PLEKHG7: variants seen among roughly 807,000 people sequenced by gnomAD.
The protein encoded by PLEKHG7 is pleckstrin homology and RhoGEF domain containing G7.
PLEKHG7 carries 77 observed loss-of-function variants against 85.2 expected under a neutral mutation model. The observed-to-expected ratio is 0.90, with a 90% CI of 0.75 to 1.09. The LOEUF (loss-of-function observed/expected upper bound fraction) is 1.09, where lower values mean the gene tolerates loss of function less well. Among genes scored for constraint, PLEKHG7 ranks in the 50% least tolerant of loss-of-function variants. PLEKHG7 has a pLI of 0.00. For synonymous variants in PLEKHG7, 301 were observed against 302.4 expected (o/e 1.00, Z 0.05); for missense variants, 777 against 804.3 (o/e 0.97, Z 0.41).
chr12:92,714,556 A>T (rs1021154224), intron 3 of PLEKHG7, among the ~76,000 whole-genome samples: 3 of 152,260 alleles, frequency 2.0e-5, no homozygotes. Context: ...TCTACAAGAG[A>T]TAAGACTGTC....
chr12:92,770,219 T>C lies in PLEKHG7; in HGVS notation c.*24T>C. The C allele has an allele frequency of 6.8e-7, 1 of 1,468,562 alleles. No homozygotes were observed. Among genetic ancestry groups the C allele is most frequent in the Non-Finnish European group, 9.4e-7 (1 of 1,058,650 alleles). The allele number at this position is 1,468,562 out of a possible 1,614,324, so 91.0% of individuals were successfully genotyped here. A position where few individuals can be genotyped will look rare whatever the true frequency, so the allele number is the denominator to read the frequency against. On this transcript the variant is annotated 3_prime_UTR_variant, in exon 17 of 17. Coordinates refer to ENST00000344636, the MANE Select transcript of PLEKHG7 (RefSeq NM_001377329.1). ...AGGGACCTAAAACAAGTGGCATGTCTTTTTAGAAGATTATGGTTTAAGGTA... is the reference window on the plus strand; with the variant it reads ...AGGGACCTAAAACAAGTGGCATGTCCTTTTAGAAGATTATGGTTTAAGGTA...
chr12:92,710,951 C>T (rs1022506161), intron 3 of PLEKHG7, among the ~76,000 whole-genome samples: 2 of 152,188 alleles, frequency 1.3e-5, no homozygotes, highest in African/African-American at 2.4e-5. Flanking sequence ...AATATCTTCA[C>T]AGTTTTTGAC....
At chr12:92,751,788 G>A (rs1872697300) in intron 10 of PLEKHG7, among the ~76,000 whole-genome samples, 1 of 152,134 alleles carries the variant, frequency 6.6e-6, no homozygotes, top group African/African-American at 2.4e-5. Context: ...TTTGGGAGGT[G>A]TGCAGATTGC....
intron 3 of PLEKHG7, among the ~76,000 whole-genome samples, chr12:92,717,860 C>T (rs1871532023): frequency 6.6e-6 from 1 of 152,216 alleles, no homozygotes; most frequent in Admixed American, 6.5e-5. Context: ...GCAATGCACA[C>T]CTGTAGTGTT....
rs746749198 is a variant in PLEKHG7, at chr12:92,741,561, C to T, written c.1106C>T (p.Ser369Leu). The change falls in exon 9 of 17, where the codon TCA (serine) becomes TTA (leucine). Residue 369 changes from serine (S) to leucine (L), a missense_variant. This residue lies in a region of PLEKHG7 where 520 missense variants were observed against 544.0 expected (regional missense o/e 0.96). Transcript: ENST00000344636. Reference protein sequence around the residue: ...KDYVDASEISSSLDFISVLTK... With the variant: ...KDYVDASEISLSLDFISVLTK... The stretch of plus-strand genomic sequence containing the variant: ...TATGTAGACGCTTCTGAGATTTCCT[C>T]ATCACTGGATTTTATTTCCGTGCTC... The T allele has an allele frequency of 3.1e-6, 5 of 1,613,234 alleles. No individual in the cohort carries two copies. Among genetic ancestry groups the T allele is most frequent in the Non-Finnish European group, 3.4e-6 (4 of 1,179,614 alleles).
chr12:92,746,253 G>A (rs766192846), intron 10 of PLEKHG7, among the ~76,000 whole-genome samples: 16 of 152,234 alleles, frequency 1.1e-4, no homozygotes, highest in Non-Finnish European at 1.6e-4. Context: ...GGATCATCCA[G>A]AGAAAATGGT....
intron 3 of PLEKHG7, among the ~76,000 whole-genome samples, chr12:92,724,917 A>G (rs1871753903): frequency 6.6e-6 from 1 of 152,066 alleles, no homozygotes; most frequent in Admixed American, 6.6e-5. Flanking sequence ...ATGCACATTG[A>G]GTTGGCACAT....
At chr12:92,737,299 T>C in intron 6 of PLEKHG7, 79 bp from the exon 7 acceptor site, 1 of 1,226,024 alleles carries the variant, frequency 8.2e-7, no homozygotes, top group Non-Finnish European at 1.0e-6. Context: ...CCTTTGGAAC[T>C]GCAAGCCAAA....
At chr12:92,703,643 C>T (rs918901004) in intron 1 of PLEKHG7, among the ~76,000 whole-genome samples, 3 of 152,218 alleles carry the variant, frequency 2.0e-5, no homozygotes, top group Non-Finnish European at 4.4e-5. Flanking sequence ...GAAGAGAAAC[C>T]AGACCCATTT....
At chr12:92,768,859 T>TCC in intron 15 of PLEKHG7, 124 bp from the exon 16 acceptor site, 1 of 620,778 alleles carries the variant, frequency 1.6e-6, no homozygotes, top group Non-Finnish European at 2.7e-6. Flanking sequence ...TAGATAAACC[T>TCC]CCCACCCTCG....
chr12:92,737,417 C>T lies in PLEKHG7; in HGVS notation c.835C>T (p.Leu279Phe). The part of the protein sequence containing the change: ...WDEVLETHHK[L>F]PTDQLDLKKQ... ...TGAAGTCTTGGAAACACATCACAAA[C>T]TCCCGACCGATCAATTAGACCTGAA... Residue 279 changes from leucine to phenylalanine, a missense_variant, in exon 7 of 17, where the codon CTC (leucine) becomes TTC (phenylalanine). Leu to Phe is a conservative substitution (Grantham distance 22). Around this residue, in one of 3 missense-constraint regions of PLEKHG7, gnomAD observed 520 missense variants for 544.0 expected, o/e 0.96. Coordinates refer to ENST00000344636, the MANE Select transcript of PLEKHG7 (RefSeq NM_001377329.1). 6.4e-7 allele frequency: 1 copy of T among 1,565,938 alleles called. No homozygotes were observed. Among genetic ancestry groups the T allele is most frequent in the South Asian group, 1.2e-5 (1 of 81,136 alleles).
chr12:92,729,379 G>A (rs1486942601), intron 4 of PLEKHG7, among the ~76,000 whole-genome samples: 1 of 149,772 alleles, frequency 6.7e-6, no homozygotes, highest in Admixed American at 6.7e-5. Flanking sequence ...CTGGCCAAAT[G>A]TCTTATCCCA....
chr12:92,733,992 G>A (rs534508000), intron 5 of PLEKHG7, among the ~76,000 whole-genome samples: 3 of 152,320 alleles, frequency 2.0e-5, no homozygotes, highest in East Asian at 1.9e-4. Context: ...ATGTTGGAGG[G>A]AGGGAAGCAA....
intron 13 of PLEKHG7, 93 bp from the exon 14 acceptor site, chr12:92,761,659 A>AAAGAAAGAAAGT (rs1873027775): frequency 7.6e-7 from 1 of 1,316,750 alleles, no homozygotes; most frequent in African/African-American, 1.6e-5. Context: ...AGAAAGAAAG[A>AAAGAAAGAAAGT]AAGAAAGAAA....
intron 3 of PLEKHG7, 44 bp from the exon 4 acceptor site, chr12:92,728,949 A>G (rs889156494): frequency 1.6e-6 from 2 of 1,213,128 alleles, no homozygotes; most frequent in Non-Finnish European, 2.1e-6. Context: ...GAGTGGTCTA[A>G]GATGATATTT....
chr12:92,756,326 T>A lies in PLEKHG7; in HGVS notation c.1571T>A (p.Met524Lys), dbSNP rs924326. 3 of 1,611,408 alleles carry A rather than the reference T, an allele frequency of 1.9e-6. No individual in the cohort carries two copies. Among genetic ancestry groups the A allele is most frequent in the African/African-American group, 1.3e-5 (1 of 74,818 alleles). ...ECLKHIFKEH[M>K]AENILSPTSR... ...TTGAAACACATTTTTAAAGAACACA[T>A]GGCAGAAAACATCTTGTCACCAACC... Residue 524 changes from methionine (M) to lysine (K), a missense_variant, in exon 13 of 17, where the codon ATG (methionine) becomes AAG (lysine). Transcript: ENST00000344636.
At chr12:92,747,700 T>C (rs1012027211) in intron 10 of PLEKHG7, among the ~76,000 whole-genome samples, 7 of 152,214 alleles carry the variant, frequency 4.6e-5, no homozygotes, top group African/African-American at 1.7e-4. Context: ...ATGTAACATA[T>C]CTGTGCAGTA....
intron 9 of PLEKHG7, 121 bp from the exon 10 acceptor site, chr12:92,745,357 T>C (rs1872502805): frequency 1.7e-5 from 11 of 649,562 alleles, no homozygotes; most frequent in Non-Finnish European, 3.0e-5. Flanking sequence ...TGCTTGATCA[T>C]GGCGACTCCT....
rs2136641705 is a variant in PLEKHG7, at chr12:92,772,312, G to A, written c.*2117G>A. ...AATTCTCTACAATATTAAATGGAAT[G>A]TCTAAGGCAAAATGGCATTAATAAT... On this transcript the variant is annotated 3_prime_UTR_variant, in exon 17 of 17. Coordinates refer to ENST00000344636, the MANE Select transcript of PLEKHG7 (RefSeq NM_001377329.1). 1 of 151,918 alleles carries A rather than the reference G, an allele frequency of 6.6e-6. No homozygotes were observed. Among genetic ancestry groups the A allele is most frequent in the East Asian group, 1.9e-4 (1 of 5,176 alleles). The allele number at this position is 151,918 out of a possible 1,614,324, so 9.4% of individuals were successfully genotyped here. A position where few individuals can be genotyped will look rare whatever the true frequency, so the allele number is the denominator to read the frequency against.
Sources: allele counts gnomAD v4.1 joint callset (sites outside exome capture counted in the v4.1 genomes callset), GRCh38; gene constraint gnomAD v4.1.1; regional missense constraint gnomAD v4.1.1; transcripts MANE v1.5; gene names NCBI Gene and HGNC (gene_info 2026-07-23, HGNC 2026-07-21).